Variants in TTC23L observed in about 807,000 individuals in gnomAD.
TTC23L encodes tetratricopeptide repeat domain 23 like, also known as tetratricopeptide repeat protein 23-like.
Under a neutral mutation model 48.1 loss-of-function variants are expected in TTC23L, and 42 were observed. The observed-to-expected ratio is 0.87, with a 90% CI of 0.68 to 1.13. The LOEUF (loss-of-function observed/expected upper bound fraction) is 1.13, where lower values mean the gene tolerates loss of function less well. Ranked by LOEUF, TTC23L falls within the 50% of genes most tolerant of loss-of-function variation. TTC23L has a pLI of 0.00. For synonymous variants in TTC23L, 159 were observed against 157.2 expected (o/e 1.01, Z -0.09); for missense variants, 391 against 421.0 (o/e 0.93, Z 0.62).
intron 9 of TTC23L, among the ~76,000 whole-genome samples, chr5:34,891,121 A>G (rs1762841125): frequency 6.6e-6 from 1 of 152,246 alleles, no homozygotes; most frequent in South Asian, 2.1e-4. Flanking sequence ...TGAGATCTTA[A>G]TAACAAAATA....
chr5:34,850,040 A>G, intron 3 of TTC23L, 145 bp from the exon 4 acceptor site: 3 of 944,892 alleles, frequency 3.2e-6, no homozygotes, highest in Non-Finnish European at 4.7e-6. Flanking sequence ...ATCCAACCAG[A>G]CCTGATGGAT....
the TTC23L span, chr5:34,913,502 CA>C: frequency 1.4e-5 from 22 of 1,596,104 alleles, no homozygotes; most frequent in South Asian, 2.5e-4. Context: ...AATAGATAAA[CA>C]GTCTAAAAGG....
chr5:34,922,481 T>A, the TTC23L span: 1 of 1,044,462 alleles, frequency 9.6e-7, no homozygotes, highest in East Asian at 2.4e-5. Flanking sequence ...GGTGAATAGG[T>A]GGTAAGCATT....
intron 8 of TTC23L, among the ~76,000 whole-genome samples, chr5:34,872,198 G>A (rs1248740614): frequency 1.3e-5 from 2 of 152,052 alleles, no homozygotes; most frequent in Non-Finnish European, 2.9e-5. Flanking sequence ...TGAAATAGGA[G>A]GATTGCTTGA....
intron 7 of TTC23L, chr5:34,867,382 C>T (rs1182507847): frequency 1.2e-5 from 4 of 345,872 alleles, no homozygotes; most frequent in Non-Finnish European, 2.1e-5. Flanking sequence ...AAAAAAGATA[C>T]AGGGACAACC....
At chr5:34,915,637 A>T in the TTC23L span, 1 of 1,391,360 alleles carries the variant, frequency 7.2e-7, no homozygotes, top group South Asian at 1.5e-5. Context: ...CTGGAGGACG[A>T]CCGCGGAGCT....
chr5:34,861,294 G>C (rs902323792), intron 4 of TTC23L: 1 of 160,570 alleles, frequency 6.2e-6, no homozygotes, highest in East Asian at 1.8e-4. Context: ...GGTAAACCTG[G>C]ATTACTTTGC....
chr5:34,917,599 C>A, the TTC23L span, among the ~76,000 whole-genome samples: 1 of 152,108 alleles, frequency 6.6e-6, no homozygotes, highest in South Asian at 2.1e-4. Flanking sequence ...GAGATCGCGC[C>A]ACTGCACTCC....
At chr5:34,908,945 G>C in the TTC23L span, 1 of 1,603,592 alleles carries the variant, frequency 6.2e-7, no homozygotes. Flanking sequence ...AGGAAATCTT[G>C]TATCTGTAGA....
At chr5:34,895,217 T>G (rs1763136176) in intron 9 of TTC23L, among the ~76,000 whole-genome samples, 1 of 152,226 alleles carries the variant, frequency 6.6e-6, no homozygotes, top group Admixed American at 6.5e-5. Context: ...TAGACATATC[T>G]GTGTTTGAAT....
chr5:34,860,194 C>T (rs1265401605), intron 4 of TTC23L, among the ~76,000 whole-genome samples: 1 of 152,080 alleles, frequency 6.6e-6, no homozygotes, highest in Non-Finnish European at 1.5e-5. Context: ...CATCTTTCTA[C>T]CTTCCCTAAC....
chr5:34,865,253 T>A (rs1760964625), intron 6 of TTC23L, among the ~76,000 whole-genome samples: 1 of 152,198 alleles, frequency 6.6e-6, no homozygotes, highest in Admixed American at 6.5e-5. Flanking sequence ...AAGCAATCTG[T>A]TTCCAAAACT....
At chr5:34,904,166 G>A (rs986781958), downstream of TTC23L, among the ~76,000 whole-genome samples, 1 of 151,450 alleles carries the variant, frequency 6.6e-6, no homozygotes, top group Non-Finnish European at 1.5e-5. Context: ...ATGGAGTCTT[G>A]CTATGTTGGC....
At chr5:34,903,922 C>T (rs546893658), downstream of TTC23L, among the ~76,000 whole-genome samples, 18 of 152,132 alleles carry the variant, frequency 1.2e-4, 1 homozygote, top group South Asian at 3.7e-3. Context: ...AATTCAAGCC[C>T]AGATCAAGCT....
At chr5:34,881,147 G>C (rs2111668280) in intron 9 of TTC23L, among the ~76,000 whole-genome samples, 1 of 152,278 alleles carries the variant, frequency 6.6e-6, no homozygotes, top group East Asian at 1.9e-4. Context: ...TGATACATGA[G>C]ATCCTTCAAA....
chr5:34,911,120 C>T, the TTC23L span, among the ~76,000 whole-genome samples: 3 of 152,168 alleles, frequency 2.0e-5, no homozygotes, highest in Non-Finnish European at 2.9e-5. Flanking sequence ...AATAAGCACA[C>T]GGTAGGTGAT....
intron 9 of TTC23L, among the ~76,000 whole-genome samples, chr5:34,889,346 T>C (rs1462703214): frequency 6.6e-6 from 1 of 152,304 alleles, no homozygotes; most frequent in African/African-American, 2.4e-5. Flanking sequence ...CTAAAGGCCA[T>C]GTGTTTTTCC....
intron 3 of TTC23L, 160 bp downstream of exon 3, chr5:34,845,833 AGCC>A: frequency 1.4e-6 from 1 of 701,764 alleles, no homozygotes; most frequent in South Asian, 2.1e-5. Flanking sequence ...TTAGGTAGCC[AGCC>A]CACCTTCTGG....
chr5:34,877,025 C>T (rs1230302573), intron 8 of TTC23L, among the ~76,000 whole-genome samples: 1 of 152,020 alleles, frequency 6.6e-6, no homozygotes, highest in Non-Finnish European at 1.5e-5. Flanking sequence ...AACAAAACTG[C>T]AGATCAATAC....
Sources: gnomAD v4.1 joint callset for allele counts (sites outside exome capture counted in the v4.1 genomes callset) on GRCh38, gnomAD v4.1.1 for gene constraint, MANE v1.5 for transcripts, NCBI Gene and HGNC (gene_info 2026-07-23, HGNC 2026-07-21) for gene names.